Variants in COL15A1 observed in about 807,000 individuals in gnomAD.
COL15A1 encodes the protein collagen alpha-1(XV) chain.
COL15A1 carries 111 observed loss-of-function variants against 165.9 expected under a neutral mutation model. That is an observed-to-expected ratio of 0.67 (90% CI 0.57 to 0.78). COL15A1 has a LOEUF of 0.78. Among genes scored for constraint, COL15A1 ranks in the 30% least tolerant of loss-of-function variants. The probability of loss-of-function intolerance (pLI) is 0.00; values close to 1 mark genes in which losing one functional copy is unlikely to be tolerated. For synonymous variants in COL15A1, 659 were observed against 674.8 expected, an observed-to-expected ratio of 0.98 and a Z score of 0.36; for missense variants, 1,745 against 1,789.7, an observed-to-expected ratio of 0.98 and a Z score of 0.45.
intron 2 of COL15A1, among the ~76,000 whole-genome samples, chr9:98,961,355 G>C (rs60094494): frequency 7.2e-5 from 11 of 152,174 alleles, no homozygotes; most frequent in Non-Finnish European, 1.6e-4. Context: ...AGTGCAATGA[G>C]AGCTATGAAA....
chr9:99,039,884 T>G (rs1174724993), intron 22 of COL15A1, among the ~76,000 whole-genome samples: 1 of 152,194 alleles, frequency 6.6e-6, no homozygotes, highest in Non-Finnish European at 1.5e-5. Context: ...AATGCCGATG[T>G]CCCTGCCTCT....
chr9:99,062,905 T>C (rs1825838550), intron 38 of COL15A1, 145 bp from the exon 39 acceptor site: 2 of 944,510 alleles, frequency 2.1e-6, no homozygotes, highest in Non-Finnish European at 3.0e-6. Flanking sequence ...CATGAAACTC[T>C]TTACAGTTAA....
At chr9:99,007,563 A>C (rs1838783668) in intron 9 of COL15A1, among the ~76,000 whole-genome samples, 2 of 152,334 alleles carry the variant, frequency 1.3e-5, no homozygotes, top group Middle Eastern at 3.4e-3. Context: ...CAGGCTGTGA[A>C]GTCTCATGCC....
In COL15A1 at chr9:98,943,974, C is replaced by G. The variant is rs1033849156; in HGVS notation, c.-88C>G. 5.1e-6 allele frequency: 8 copies of G among 1,567,364 alleles called. No homozygotes were observed. In the Admixed American group the frequency reaches 5.2e-5, roughly 10 times the overall value. ...CTGCAGGAAGGGCGAGCGCGGCGGC[C>G]AGCGCTCAGCGACCCTTCGTCCTCC... On this transcript the variant is annotated 5_prime_UTR_variant, in exon 1 of 42. Transcript: ENST00000375001.
chr9:99,016,678 A>AT (rs1436437561), intron 11 of COL15A1, among the ~76,000 whole-genome samples: 1 of 152,266 alleles, frequency 6.6e-6, no homozygotes, highest in East Asian at 1.9e-4. Flanking sequence ...CTTAAGGACT[A>AT]TAACTGTGTC....
At chr9:99,012,831 C>T (rs570919133) in intron 9 of COL15A1, among the ~76,000 whole-genome samples, 7 of 150,336 alleles carry the variant, frequency 4.7e-5, no homozygotes, top group East Asian at 2.0e-4. Context: ...CCTGCCTCAG[C>T]GTCTTGAGTA....
chr9:99,040,604 C>T (rs984917767), intron 23 of COL15A1, 48 bp downstream of exon 23: 4 of 1,614,026 alleles, frequency 2.5e-6, no homozygotes, highest in Admixed American at 1.7e-5. Context: ...TGGCTGCGAT[C>T]ATTCTGTTCC....
intron 34 of COL15A1, among the ~76,000 whole-genome samples, 161 bp downstream of exon 34, chr9:99,055,533 G>A (rs962779085): frequency 1.2e-4 from 19 of 152,204 alleles, no homozygotes; most frequent in Non-Finnish European, 2.4e-4. Context: ...TTGATGGGCA[G>A]GTTGGCTGAG....
rs772344399 is a variant in COL15A1, at chr9:99,035,286, A to G, written c.2221-64A>G. The stretch of plus-strand genomic sequence containing the variant: ...CTGTGAGCCGCCAGCTTCCAACACC[A>G]CACCTGGCACAAGTAGGTGCCCAGG... On this transcript the variant is annotated intron_variant, in intron 18 of 41. Coordinates refer to ENST00000375001, the MANE Select transcript of COL15A1 (RefSeq NM_001855.5). 8 of 1,609,894 alleles carry G rather than the reference A, an allele frequency of 5.0e-6. No individual in the cohort carries two copies. In the Admixed American group the frequency reaches 1.2e-4, roughly 23 times the overall value.
chr9:99,034,079 G>A (rs952743544), intron 16 of COL15A1, among the ~76,000 whole-genome samples: 3 of 152,116 alleles, frequency 2.0e-5, no homozygotes, highest in Admixed American at 6.5e-5. Flanking sequence ...AGCCAGCTTT[G>A]GGTCTTTAGA....
chr9:98,962,181 C>T lies in COL15A1; in HGVS notation c.100+17931C>T, dbSNP rs565886060. On this transcript the variant is annotated intron_variant, in intron 2 of 41. Transcript: ENST00000375001. ...GATCTCTGTATTGAGAATGTGCATC[C>T]GTAAACATAGGAAGAATTCTCTTGC... 9.8e-4 allele frequency among the ~76,000 whole-genome samples: 150 copies of T among 152,296 alleles called. 1 individual carries two copies. The highest frequency in any genetic ancestry group is 2.1e-3 in the Admixed American group (32 of 15,298).
At chr9:98,982,886 G>T (rs1359823024) in intron 2 of COL15A1, among the ~76,000 whole-genome samples, 1 of 152,064 alleles carries the variant, frequency 6.6e-6, no homozygotes, top group African/African-American at 2.4e-5. Flanking sequence ...TGCACTCCTT[G>T]GCCTCCCAAA....
rs1310248197 is a variant in COL15A1 at position 99,063,083 on chromosome 9, T to C, written c.3625T>C (p.Ser1209Pro). ...GCTTCTGCCTCCACCAAACCCTATT[T>C]CAAGTGCCAATTATGAGAAGCCTGC... ...HQLLPPPNPISSANYEKPALH... is the reference protein window; with the variant it reads ...HQLLPPPNPIPSANYEKPALH... Residue 1209 changes from serine to proline, a missense_variant, in exon 39 of 42, where the codon TCA (serine) becomes CCA (proline). Transcript: ENST00000375001. 1.9e-6 allele frequency: 3 copies of C among 1,584,046 alleles called. No homozygotes were observed. Among genetic ancestry groups the C allele is most frequent in the Non-Finnish European group, 2.6e-6 (3 of 1,170,734 alleles).
At chr9:99,066,738 A>G in intron 39 of COL15A1, 144 bp from the exon 40 acceptor site, 2 of 668,610 alleles carry the variant, frequency 3.0e-6, no homozygotes, top group African/African-American at 1.8e-5. Flanking sequence ...TGTAATTCCA[A>G]TGTCAGGGAG....
chr9:98,978,007 G>C (rs1838168641), intron 2 of COL15A1, among the ~76,000 whole-genome samples: 3 of 152,186 alleles, frequency 2.0e-5, no homozygotes, highest in Admixed American at 6.5e-5. Context: ...ACCTGGAGTG[G>C]TCGGGGCTGT....
chr9:99,015,877 C>A, intron 10 of COL15A1, 99 bp from the exon 11 acceptor site: 1 of 1,437,796 alleles, frequency 7.0e-7, no homozygotes. Flanking sequence ...TAAGAACGTG[C>A]TTTGAAACTG....
chr9:99,034,547 A>G lies in COL15A1; in HGVS notation c.2044-2A>G, dbSNP rs1196629577. On this transcript the variant is annotated splice_acceptor_variant, in intron 16 of 41. Transcript: ENST00000375001. LOFTEE classifies it high-confidence loss of function. ...CCATGTTTTTGTTTTTGTTTTTTTC[A>G]GGGAGCAAGAGGGCCTAATGGCTCA... is the stretch of plus-strand genomic sequence containing the variant. 2 of 1,447,086 alleles carry G rather than the reference A, an allele frequency of 1.4e-6. No individual in the cohort carries two copies. The highest frequency in any genetic ancestry group is 1.5e-5 in the African/African-American group (1 of 64,628). 89.6% of individuals were successfully genotyped at this position (1,447,086 alleles called of 1,614,324 possible). A position where few individuals can be genotyped will look rare whatever the true frequency, so the allele number is the denominator to read the frequency against.
At chr9:99,005,098 T>C (rs1838735157) in intron 9 of COL15A1, 48 bp downstream of exon 9, 1 of 1,520,734 alleles carries the variant, frequency 6.6e-7, no homozygotes, top group East Asian at 2.3e-5. Context: ...TGGGAGCAGC[T>C]CCTGACCTTC....
intron 2 of COL15A1, among the ~76,000 whole-genome samples, chr9:98,959,684 C>T (rs1440399080): frequency 6.6e-6 from 1 of 152,196 alleles, no homozygotes; most frequent in Admixed American, 6.5e-5. Context: ...GGCTTCAGGC[C>T]TGTGTTACCT....
Sources: gnomAD v4.1 joint callset for allele counts (sites outside exome capture counted in the v4.1 genomes callset) on GRCh38, gnomAD v4.1.1 for gene constraint, MANE v1.5 for transcripts, NCBI Gene and HGNC (gene_info 2026-07-23, HGNC 2026-07-21) for gene names.